The following EYS variants were observed in gnomAD, a reference collection of about 807,000 sequenced individuals.
EYS encodes EGF-like photoreceptor maintenance factor.
A neutral mutation model predicts 282.1 loss-of-function variants in EYS; 250 were observed. That is an observed-to-expected ratio of 0.89 (90% CI 0.80 to 0.98). The LOEUF is 0.98. EYS is among the 50% of genes least tolerant of loss of function. EYS has a pLI of 0.00. For missense variants in EYS, 4,016 were observed against 3,709.0 expected, an observed-to-expected ratio of 1.08 and a Z score of -2.15; for synonymous variants, 1,355 against 1,282.9, an observed-to-expected ratio of 1.06 and a Z score of -1.20.
chr6:64,542,783 C>T (rs907618745), intron 26 of EYS, among the ~76,000 whole-genome samples: 4 of 152,090 alleles, frequency 2.6e-5, no homozygotes, highest in Admixed American at 2.6e-4. Flanking sequence ...GGAAAGTTAG[C>T]ATCTATATTT....
intron 31 of EYS, among the ~76,000 whole-genome samples, chr6:64,165,057 G>A (rs567389592): frequency 4.0e-4 from 61 of 152,176 alleles, no homozygotes; most frequent in South Asian, 3.7e-3. Context: ...TAAAAATGAC[G>A]AATGGGTTTA....
chr6:64,586,878 T>G (rs1451123439), intron 26 of EYS, among the ~76,000 whole-genome samples: 1 of 152,220 alleles, frequency 6.6e-6, no homozygotes, highest in South Asian at 2.1e-4. Context: ...CTTTCTTATA[T>G]CCTTCCCAAA....
At chr6:64,026,349 G>T (rs1164948045) in intron 33 of EYS, among the ~76,000 whole-genome samples, 2 of 152,248 alleles carry the variant, frequency 1.3e-5, no homozygotes, top group South Asian at 4.1e-4. Flanking sequence ...GGGCGGTTTT[G>T]TCTTTCAGAT....
chr6:65,387,445 A>AT (rs1031935766), intron 7 of EYS, among the ~76,000 whole-genome samples: 5 of 151,884 alleles, frequency 3.3e-5, no homozygotes, highest in Admixed American at 6.6e-5. Flanking sequence ...TTCAAAATGT[A>AT]TTTTTTCAAA....
At chr6:65,479,753 C>T (rs1173199953) in intron 5 of EYS, among the ~76,000 whole-genome samples, 1 of 152,078 alleles carries the variant, frequency 6.6e-6, no homozygotes, top group Non-Finnish European at 1.5e-5. Context: ...GATTTTGGAA[C>T]ATGCAAATGT....
At chr6:65,079,567 T>C (rs1774158959) in intron 12 of EYS, among the ~76,000 whole-genome samples, 1 of 152,050 alleles carries the variant, frequency 6.6e-6, no homozygotes. Flanking sequence ...GTTTTAATAG[T>C]GATAACATAT....
At chr6:65,312,041 C>G (rs1769174842) in intron 11 of EYS, among the ~76,000 whole-genome samples, 1 of 151,496 alleles carries the variant, frequency 6.6e-6, no homozygotes, top group South Asian at 2.1e-4. Context: ...GACATAATTC[C>G]TGATGCCATC....
intron 2 of EYS, among the ~76,000 whole-genome samples, chr6:65,500,109 C>T (rs970510868): frequency 9.9e-5 from 15 of 152,018 alleles, no homozygotes; most frequent in African/African-American, 3.4e-4. Flanking sequence ...CATGTATTGA[C>T]CTGACTCCAA....
At chr6:65,058,213 C>T (rs1021194159) in intron 12 of EYS, among the ~76,000 whole-genome samples, 2 of 152,012 alleles carry the variant, frequency 1.3e-5, no homozygotes, top group Non-Finnish European at 2.9e-5. Context: ...TGCAGTGGTG[C>T]GATCTTGGAT....
chr6:64,937,865 T>C (rs1378495635), intron 15 of EYS, among the ~76,000 whole-genome samples: 1 of 151,664 alleles, frequency 6.6e-6, no homozygotes, highest in East Asian at 1.9e-4. Flanking sequence ...AGTCAAAAAG[T>C]TGTAATAATC....
chr6:63,738,674 A>T (rs970695754), intron 41 of EYS, among the ~76,000 whole-genome samples: 1 of 151,804 alleles, frequency 6.6e-6, no homozygotes, highest in African/African-American at 2.4e-5. Context: ...CCAGCATGGC[A>T]CATGTATACA....
At chr6:65,257,807 C>G (rs1767510142) in intron 12 of EYS, among the ~76,000 whole-genome samples, 1 of 151,746 alleles carries the variant, frequency 6.6e-6, no homozygotes, top group Non-Finnish European at 1.5e-5. Context: ...CAATTGAATT[C>G]ATGGAGATAG....
At chr6:64,967,041 A>G (rs1317312519) in intron 14 of EYS, among the ~76,000 whole-genome samples, 1 of 152,186 alleles carries the variant, frequency 6.6e-6, no homozygotes, top group Non-Finnish European at 1.5e-5. Flanking sequence ...TACTAATTAC[A>G]TGAAATTATT....
rs1464262750 is a variant in EYS, at chr6:64,848,357, A to G, written c.2993-25535T>C. On this transcript the variant is annotated intron_variant, in intron 19 of 42. Coordinates refer to ENST00000503581, the MANE Select transcript of EYS (RefSeq NM_001142800.2). ...AAATCAAATGTTTATATATATTTCA[A>G]TGGTTCCTCTTGAATTGCAGAATAG... 3.3e-5 allele frequency among the ~76,000 whole-genome samples: 5 copies of G among 152,028 alleles called. No homozygotes were observed. The East Asian group carries it at 7.7e-4, about 23-fold the overall frequency.
chr6:65,674,503 T>C (rs1034391479), intron 1 of EYS, among the ~76,000 whole-genome samples: 4 of 121,382 alleles, frequency 3.3e-5, no homozygotes, highest in South Asian at 2.8e-4. Flanking sequence ...TGATTCATTA[T>C]ATACAAGAAA....
rs148478888 is a variant in EYS, at chr6:64,855,158, G to A, written c.2992+31539C>T. Among the ~76,000 whole-genome samples the A allele has an allele frequency of 1.1e-3, 169 of 151,878 alleles. 1 individual carries two copies. The highest frequency in any genetic ancestry group is 0.01 in the Middle Eastern group (3 of 294). ...CTGTCTCTCCCCCATCCCCCACCGC[G>A]TTTGTGTGTGTGTATCTGTATGTGT... On this transcript the variant is annotated intron_variant, in intron 19 of 42. Coordinates refer to ENST00000503581, the MANE Select transcript of EYS (RefSeq NM_001142800.2).
chr6:65,491,278 C>T (rs1236323085), intron 4 of EYS: 7 of 200,822 alleles, frequency 3.5e-5, no homozygotes, highest in South Asian at 1.7e-4. Flanking sequence ...TATACACACA[C>T]ACACACACAC....
intron 2 of EYS, among the ~76,000 whole-genome samples, chr6:65,518,843 G>T (rs1262186871): frequency 6.6e-6 from 1 of 152,010 alleles, no homozygotes; most frequent in East Asian, 1.9e-4. Flanking sequence ...CACAACATCA[G>T]ATCTGTGAGA....
chr6:65,546,107 C>T (rs1582439742), intron 2 of EYS, among the ~76,000 whole-genome samples: 1 of 149,436 alleles, frequency 6.7e-6, no homozygotes, highest in Admixed American at 6.7e-5. Flanking sequence ...GCAGCCTGTA[C>T]TTCACAGGCT....
Sources: gnomAD v4.1 joint callset for allele counts (sites outside exome capture counted in the v4.1 genomes callset) on GRCh38, gnomAD v4.1.1 for gene constraint, MANE v1.5 for transcripts, NCBI Gene and HGNC (gene_info 2026-07-23, HGNC 2026-07-21) for gene names.